The following ATP10B variants were observed in gnomAD, a reference collection of about 807,000 sequenced individuals.
ATP10B encodes the protein ATPase phospholipid transporting 10B (putative).
In ATP10B, 122 loss-of-function variants were observed where a neutral mutation model predicts 141.2. The observed-to-expected ratio is 0.86, with a 90% confidence interval of 0.75 to 1.00. The LOEUF (loss-of-function observed/expected upper bound fraction) is 1.00, where lower values mean the gene tolerates loss of function less well. Among genes scored for constraint, ATP10B ranks in the 50% least tolerant of loss-of-function variants. ATP10B has a pLI of 0.00. For synonymous variants in ATP10B, 685 were observed against 692.0 expected (o/e 0.99, Z 0.16); for missense variants, 1,876 against 1,825.3 (o/e 1.03, Z -0.51).
At chr5:160,882,965 A>G in the ATP10B span, among the ~76,000 whole-genome samples, 1 of 152,200 alleles carries the variant, frequency 6.6e-6, no homozygotes, top group Non-Finnish European at 1.5e-5. Flanking sequence ...ATGAAATATA[A>G]AACTGAAGCC....
chr5:160,695,301 G>A (rs1764294444), intron 3 of ATP10B, among the ~76,000 whole-genome samples: 1 of 151,966 alleles, frequency 6.6e-6, no homozygotes, highest in Non-Finnish European at 1.5e-5. Context: ...AGTCTGTTGG[G>A]GCCTAGCTTT....
chr5:160,733,752 T>C (rs1191325247), intron 2 of ATP10B, among the ~76,000 whole-genome samples: 1 of 151,050 alleles, frequency 6.6e-6, no homozygotes, highest in Non-Finnish European at 1.5e-5. Flanking sequence ...TAGAACAACA[T>C]GTTTAAAGAG....
chr5:160,890,828 G>A, the ATP10B span, among the ~76,000 whole-genome samples: 1 of 152,040 alleles, frequency 6.6e-6, no homozygotes, highest in African/African-American at 2.4e-5. Context: ...GATCTTCCCA[G>A]CTTCCTGAGT....
intron 2 of ATP10B, among the ~76,000 whole-genome samples, chr5:160,725,806 A>G (rs1766309027): frequency 6.6e-6 from 1 of 152,226 alleles, no homozygotes; most frequent in Admixed American, 6.5e-5. Flanking sequence ...TCTGAATGCT[A>G]CATTGGTGGG....
chr5:160,670,494 T>C lies in ATP10B; in HGVS notation c.644A>G (p.Gln215Arg), dbSNP rs1341645440. Residue 215 changes from glutamine to arginine, a missense_variant, in exon 7 of 26, where the codon CAA becomes CGA. Coordinates refer to ENST00000327245, the MANE Select transcript of ATP10B (RefSeq NM_025153.3). ...TGAGAAGCCCTTCACGACACATCTT[T>C]GCTTGAGGTTTGTCTCTCCATCCAA... ...ASLDGETNLK[Q>R]RCVVKGFSQQ... is the part of the protein sequence containing the mutation. 1 of 1,614,042 alleles carries C rather than the reference T, an allele frequency of 6.2e-7. No homozygotes were observed. Among genetic ancestry groups the C allele is most frequent in the South Asian group, 1.1e-5 (1 of 91,076 alleles).
At chr5:160,719,793 G>C (rs76857641) in intron 2 of ATP10B, among the ~76,000 whole-genome samples, 1 of 152,342 alleles carries the variant, frequency 6.6e-6, no homozygotes, top group East Asian at 1.9e-4. Flanking sequence ...TGCAAGGGAA[G>C]TGTGATTATT....
the ATP10B span, among the ~76,000 whole-genome samples, chr5:160,872,252 A>G: frequency 6.6e-6 from 1 of 151,598 alleles, no homozygotes; most frequent in African/African-American, 2.4e-5. Context: ...TTTGCTTTTT[A>G]GTTCATTGTT....
At chr5:160,661,652 A>C (rs1038681186) in intron 7 of ATP10B, among the ~76,000 whole-genome samples, 4 of 152,160 alleles carry the variant, frequency 2.6e-5, no homozygotes, top group Admixed American at 1.3e-4. Context: ...GTATATACTA[A>C]TAATAAGAGC....
chr5:160,892,333 A>G, the ATP10B span, among the ~76,000 whole-genome samples: 5 of 152,294 alleles, frequency 3.3e-5, no homozygotes, highest in East Asian at 5.8e-4. Context: ...ATTTCTTGCC[A>G]CTAAGGTCCT....
chr5:160,889,797 G>T, the ATP10B span, among the ~76,000 whole-genome samples: 1 of 152,146 alleles, frequency 6.6e-6, no homozygotes, highest in African/African-American at 2.4e-5. Flanking sequence ...TCTTCAGGAC[G>T]TGGACCCAGG....
intron 14 of ATP10B, 54 bp from the exon 15 acceptor site, chr5:160,621,004 C>A: frequency 2.6e-6 from 4 of 1,547,738 alleles, no homozygotes; most frequent in Non-Finnish European, 3.5e-6. Flanking sequence ...GAAATAATAC[C>A]AAGTTGTCTT....
chr5:160,733,901 C>A (rs550408805), intron 2 of ATP10B, among the ~76,000 whole-genome samples: 2 of 151,510 alleles, frequency 1.3e-5, no homozygotes, highest in Non-Finnish European at 2.9e-5. Flanking sequence ...GTCAAGAGAT[C>A]GAGACCATCC....
intron 7 of ATP10B, among the ~76,000 whole-genome samples, chr5:160,655,985 C>T (rs566142736): frequency 6.6e-6 from 1 of 152,264 alleles, no homozygotes; most frequent in Non-Finnish European, 1.5e-5. Context: ...GGTTGAGGTC[C>T]TCCTCACTCA....
chr5:160,677,516 T>A (rs1298827560), intron 6 of ATP10B, among the ~76,000 whole-genome samples: 1 of 152,232 alleles, frequency 6.6e-6, no homozygotes, highest in African/African-American at 2.4e-5. Flanking sequence ...GTTATATTAT[T>A]AGAGCTTGGA....
At chr5:160,761,727 CAAG>C (rs1462334554) in intron 2 of ATP10B, among the ~76,000 whole-genome samples, 3 of 152,022 alleles carry the variant, frequency 2.0e-5, no homozygotes, top group African/African-American at 4.8e-5. Flanking sequence ...GAATCCAAAC[CAAG>C]AAGAAATCTC....
rs773498431 is a variant in ATP10B, at chr5:160,634,318, T to C, written c.1381+36A>G. On this transcript the variant is annotated intron_variant, in intron 12 of 25. Coordinates refer to ENST00000327245, the MANE Select transcript of ATP10B (RefSeq NM_025153.3). ...CTTAGGAGAGCAGGGTATTTCCTTTTAGAAAGAGGGATGGAGCCCTTGGGA... is the reference window on the plus strand; with the variant it reads ...CTTAGGAGAGCAGGGTATTTCCTTTCAGAAAGAGGGATGGAGCCCTTGGGA... 2.5e-6 allele frequency: 4 copies of C among 1,614,108 alleles called. 1 individual carries two copies. Among genetic ancestry groups the C allele is most frequent in the Middle Eastern group, 3.3e-4 (2 of 6,062 alleles).
At chr5:160,627,315 T>A (rs1284820478) in intron 13 of ATP10B, among the ~76,000 whole-genome samples, 1 of 152,206 alleles carries the variant, frequency 6.6e-6, no homozygotes, top group Non-Finnish European at 1.5e-5. Flanking sequence ...CTGGTGCTCC[T>A]TTTGCCCCTT....
chr5:160,671,164 C>CAAAAAAAAAAAAAAAAAAAAAAAAAAA (rs1167788105), intron 6 of ATP10B, among the ~76,000 whole-genome samples: 1 of 23,740 alleles, frequency 4.2e-5, no homozygotes, highest in Non-Finnish European at 1.2e-4. Flanking sequence ...GACTCTGTCT[C>CAAAAAAAAAAAAAAAAAAAAAAAAAAA]AAAAAAAAAA....
At chr5:160,605,547 GAA>G (rs1280938111) in intron 19 of ATP10B, among the ~76,000 whole-genome samples, 1 of 152,162 alleles carries the variant, frequency 6.6e-6, no homozygotes, top group African/African-American at 2.4e-5. Context: ...CTGAATTTCT[GAA>G]GAGGACAATT....
Sources: allele counts gnomAD v4.1 joint callset (sites outside exome capture counted in the v4.1 genomes callset), GRCh38; gene constraint gnomAD v4.1.1; transcripts MANE v1.5; gene names NCBI Gene and HGNC (gene_info 2026-07-23, HGNC 2026-07-21).